The following SMC2 variants were observed in gnomAD, a reference collection of about 807,000 sequenced individuals.
The protein encoded by SMC2 is structural maintenance of chromosomes 2.
In SMC2, 41 loss-of-function variants were observed where a neutral mutation model predicts 142.6. That is an observed-to-expected ratio of 0.29 (90% CI 0.22 to 0.37). The LOEUF (loss-of-function observed/expected upper bound fraction) is 0.37. SMC2 is among the 10% of genes least tolerant of loss of function. The pLI is 1.00. For synonymous variants in SMC2, 463 were observed against 457.5 expected (o/e 1.01, Z -0.15); for missense variants, 1,265 against 1,373.7 (o/e 0.92, Z 1.25).
upstream of SMC2, chr9:104,092,160 T>A (rs992528671): frequency 6.6e-6 from 1 of 152,212 alleles, no homozygotes; most frequent in African/African-American, 2.4e-5. Flanking sequence ...GTCTTATATT[T>A]AGCAGCAATT....
At chr9:104,137,930 T>C (rs1206355005) in intron 23 of SMC2, 88 bp from the exon 24 acceptor site, 11 of 923,440 alleles carry the variant, frequency 1.2e-5, no homozygotes, top group Non-Finnish European at 1.7e-5. Flanking sequence ...TCTGCTCTAT[T>C]CACAATAATA....
intron 11 of SMC2, 115 bp downstream of exon 11, chr9:104,113,590 G>A (rs1832737174): frequency 1.3e-6 from 1 of 784,450 alleles, no homozygotes; most frequent in South Asian, 2.5e-5. Flanking sequence ...CTATTAACAA[G>A]CATTAGTATA....
Position 104,129,742 on chromosome 9 carries a change from A to G in SMC2, c.2888A>G (p.Lys963Arg). Reference sequence around the variant, plus strand: ...TATGATTTCAAAACTAACAACCCTAAAGAAGCTGGTCAGAGACTTCAGAAG... The same window carrying G: ...TATGATTTCAAAACTAACAACCCTAGAGAAGCTGGTCAGAGACTTCAGAAG... ...SAYDFKTNNP[K>R]EAGQRLQKLQ... The change falls in exon 21 of 25, where the codon AAA becomes AGA. Residue 963 changes from lysine (K) to arginine (R), a missense_variant. By Grantham distance (26) the Lys-to-Arg change is conservative. Around this residue, in one of 4 missense-constraint regions of SMC2, gnomAD observed 898 missense variants for 904.2 expected, o/e 0.99. Transcript: ENST00000374793. 6.2e-7 allele frequency: 1 copy of G among 1,613,920 alleles called. No individual in the cohort carries two copies. Among genetic ancestry groups the G allele is most frequent in the Non-Finnish European group, 8.5e-7 (1 of 1,179,884 alleles).
intron 9 of SMC2, among the ~76,000 whole-genome samples, chr9:104,104,577 G>C (rs1038202951): frequency 2.0e-5 from 3 of 152,146 alleles, no homozygotes; most frequent in African/African-American, 7.2e-5. Flanking sequence ...TCTAACCATT[G>C]CCTCCCTTTC....
rs745947244 is a variant in SMC2, at chr9:104,139,213, T to A, written c.3492T>A (p.Gly1164=). ...NVLFKTKFVD[G]VSTVARFTQC... Reference sequence around the variant, plus strand: ...TTTTCAAAACCAAGTTTGTGGATGGTGTTTCTACAGTAGCCAGATTTACTC... The same window carrying A: ...TTTTCAAAACCAAGTTTGTGGATGGAGTTTCTACAGTAGCCAGATTTACTC... Residue 1164 remains glycine (G), a synonymous_variant, in exon 25 of 25, where the codon GGT becomes GGA. Transcript: ENST00000374793. The A allele has an allele frequency of 1.2e-6, 2 of 1,603,422 alleles. No homozygotes were observed. The highest frequency in any genetic ancestry group is 1.7e-5 in the Admixed American group (1 of 57,752).
At chr9:104,132,283 C>A (rs1331779690) in intron 22 of SMC2, among the ~76,000 whole-genome samples, 158 bp downstream of exon 22, 1 of 151,948 alleles carries the variant, frequency 6.6e-6, no homozygotes, top group Non-Finnish European at 1.5e-5. Flanking sequence ...GCATTTTTTT[C>A]TTTTTGAACT....
intron 19 of SMC2, 63 bp from the exon 20 acceptor site, chr9:104,127,223 T>A: frequency 7.8e-7 from 1 of 1,280,162 alleles, no homozygotes; most frequent in Non-Finnish European, 1.1e-6. Context: ...GATAATTGTT[T>A]AGTAAATTAA....
intron 3 of SMC2, among the ~76,000 whole-genome samples, chr9:104,097,299 G>T (rs1830553060): frequency 6.6e-6 from 1 of 151,158 alleles, no homozygotes; most frequent in South Asian, 2.1e-4. Flanking sequence ...GTAGAGACGG[G>T]ATTTCGCTAT....
At chr9:104,095,789 C>CA (rs1389028747) in intron 2 of SMC2, among the ~76,000 whole-genome samples, 8 of 152,334 alleles carry the variant, frequency 5.3e-5, no homozygotes, top group African/African-American at 1.9e-4. Flanking sequence ...AAAGCAGTCT[C>CA]ATTCCAGAGT....
At chr9:104,100,557 T>C in intron 7 of SMC2, 124 bp downstream of exon 7, 1 of 627,026 alleles carries the variant, frequency 1.6e-6, no homozygotes, top group Non-Finnish European at 2.8e-6. Flanking sequence ...GATAAGGAAT[T>C]AGAGTTGGCA....
intron 23 of SMC2, among the ~76,000 whole-genome samples, chr9:104,134,917 C>G (rs1261081575): frequency 6.6e-6 from 1 of 152,018 alleles, no homozygotes; most frequent in Non-Finnish European, 1.5e-5. Context: ...AAACAGAGGT[C>G]AGTAGTATCA....
chr9:104,092,753 AG>A (rs1224509198), upstream of SMC2: 4 of 152,210 alleles, frequency 2.6e-5, no homozygotes, highest in African/African-American at 9.6e-5. Flanking sequence ...TCAAAATATA[AG>A]CCCATTCCTG....
At position 104,102,463 on chromosome 9, in the gene SMC2, G is replaced by C. The variant is rs1831270062; in HGVS notation, c.910G>C (p.Ala304Pro). The change falls in exon 9 of 25, where the codon GCA becomes CCA. Residue 304 changes from alanine (A) to proline (P), a missense_variant. Physicochemically the swap from Ala to Pro is conservative, Grantham distance 27 (BLOSUM62 -1). This residue lies in a region of SMC2 where 898 missense variants were observed against 904.2 expected (regional missense o/e 0.99). Transcript: ENST00000374793. ...GILRSLEDAL[A>P]EAQRVNTKSQ... ...ACTTCGATCTTTAGAAGATGCTCTTGCAGAGGCTCAGCGAGTTAATACTAA... is the reference window on the plus strand; with the variant it reads ...ACTTCGATCTTTAGAAGATGCTCTTCCAGAGGCTCAGCGAGTTAATACTAA... 6.2e-7 allele frequency: 1 copy of C among 1,612,462 alleles called. No homozygotes were observed. Among genetic ancestry groups the C allele is most frequent in the African/African-American group, 1.3e-5 (1 of 74,860 alleles).
intron 9 of SMC2, among the ~76,000 whole-genome samples, chr9:104,104,449 G>C (rs146803638): frequency 6.6e-6 from 1 of 152,310 alleles, no homozygotes; most frequent in Non-Finnish European, 1.5e-5. Context: ...GCAGCTGAGG[G>C]ACCCCAGAAA....
Position 104,095,393 on chromosome 9 carries a change from T to G in SMC2, c.9T>G (p.Ile3Met). Residue 3 changes from isoleucine to methionine, a missense_variant, in exon 2 of 25, where the codon ATT (isoleucine) becomes ATG (methionine). Physicochemically the swap from Ile to Met is conservative, Grantham distance 10. Transcript: ENST00000374793. Reference sequence around the variant, plus strand: ...CCAAGACAGTATCGAAAATGCATATTAAGTCAATTATTCTAGAGGGATTCA... The same window carrying G: ...CCAAGACAGTATCGAAAATGCATATGAAGTCAATTATTCTAGAGGGATTCA... MHIKSIILEGFKS... is the reference protein window; with the variant it reads MHMKSIILEGFKS... The G allele has an allele frequency of 1.2e-6, 2 of 1,612,804 alleles. No individual in the cohort carries two copies. Among genetic ancestry groups the G allele is most frequent in the Non-Finnish European group, 1.7e-6 (2 of 1,179,900 alleles).
Position 104,139,124 on chromosome 9 carries a change from T to C in SMC2, c.3418-15T>C, listed in dbSNP as rs751596023. On this transcript the variant is annotated splice_polypyrimidine_tract_variant and intron_variant, in intron 24 of 24. Transcript: ENST00000374793. The stretch of plus-strand genomic sequence containing the variant: ...CACAAAAAGTTTTTTTATACTTTTT[T>C]CTTTTTTCCTTAAGTTCATTGTGGT... 2.6e-6 allele frequency: 4 copies of C among 1,534,862 alleles called. No homozygotes were observed. Among genetic ancestry groups the C allele is most frequent in the Non-Finnish European group, 3.5e-6 (4 of 1,150,644 alleles).
chr9:104,100,306 A>G (rs533869837), intron 6 of SMC2, 83 bp from the exon 7 acceptor site: 27 of 1,398,740 alleles, frequency 1.9e-5, no homozygotes, highest in South Asian at 1.9e-4. Context: ...TCAGTTTTCC[A>G]TAGTCATCCC....
chr9:104,103,711 A>T (rs1417238121), intron 9 of SMC2, among the ~76,000 whole-genome samples: 1 of 152,200 alleles, frequency 6.6e-6, no homozygotes, highest in Non-Finnish European at 1.5e-5. Context: ...TGTCCCAGTG[A>T]AGGTATACAT....
At chr9:104,098,413 CATTAAT>C (rs1341720325) in intron 3 of SMC2, 27 bp from the exon 4 acceptor site, 1 of 1,537,082 alleles carries the variant, frequency 6.5e-7, no homozygotes. Flanking sequence ...TGTGCATGTA[CATTAAT>C]ATTTAAAAAA....
Sources: gnomAD v4.1 joint callset for allele counts (sites outside exome capture counted in the v4.1 genomes callset) on GRCh38, gnomAD v4.1.1 for gene constraint, gnomAD v4.1.1 regional missense constraint, MANE v1.5 for transcripts, NCBI Gene and HGNC (gene_info 2026-07-23, HGNC 2026-07-21) for gene names.